Variants in ZNF486 observed in about 807,000 individuals in gnomAD.
The protein encoded by ZNF486 is KRAB box only protein 2.
A neutral mutation model predicts 12.8 loss-of-function variants in ZNF486; 12 were observed. That is an observed-to-expected ratio of 0.94 (90% CI 0.60 to 1.52). ZNF486 has a LOEUF of 1.52. Among genes scored for constraint, ZNF486 ranks in the 40% most tolerant of loss-of-function variants. The pLI, the probability that ZNF486 is intolerant of heterozygous loss-of-function variation, is 0.00. For synonymous variants in ZNF486, 231 were observed against 184.9 expected, an observed-to-expected ratio of 1.25 and a Z score of -2.02; for missense variants, 738 against 545.0, an observed-to-expected ratio of 1.35 and a Z score of -3.53.
Position 20,185,404 on chromosome 19 carries a change from G to GTTTT in ZNF486, c.158-562_158-559dup, listed in dbSNP as rs782413355. On this transcript the variant is annotated intron_variant, in intron 2 of 3. Coordinates refer to ENST00000335117, the MANE Select transcript of ZNF486 (RefSeq NM_052852.4). ...AGAAAGGTTTTAAGGTATTGTTTAT[G>GTTTT]TTTTTTTTTTTTTTTTTTTTTTTTG... Among the ~76,000 whole-genome samples the GTTTT allele has an allele frequency of 1.1e-3, 76 of 69,602 alleles. 1 individual carries two copies. Among genetic ancestry groups the GTTTT allele is most frequent in the African/African-American group, 2.1e-3 (32 of 15,552 alleles). 45.7% of individuals were successfully genotyped at this position (69,602 alleles called of 152,430 possible).
intron 1 of ZNF486, among the ~76,000 whole-genome samples, chr19:20,182,133 GAA>G (rs1256076723): frequency 2.6e-5 from 4 of 152,192 alleles, no homozygotes; most frequent in African/African-American, 9.6e-5. Context: ...ATTTGGTTGT[GAA>G]AAGAGTGCTA....
chr19:20,170,286 T>C (rs1388458369), intron 1 of ZNF486, among the ~76,000 whole-genome samples: 4 of 151,832 alleles, frequency 2.6e-5, no homozygotes, highest in East Asian at 3.9e-4. Context: ...TTAAGAAATA[T>C]TTTATTTTAG....
rs1343700748 is a variant in ZNF486, at chr19:20,184,400, G to C, written c.75G>C (p.Glu25Asp). The change falls in exon 2 of 4, where the codon GAG becomes GAC. Residue 25 changes from glutamate to aspartate, a missense_variant. By Grantham distance (45) the Glu-to-Asp change is conservative (BLOSUM62 2). Transcript: ENST00000335117. ...ATGTGGCTGTAGAATTCTCTCTGGA[G>C]GAGTGGCATTGCCTGGACACTGCAC... ...FRDVAVEFSL[E>D]EWHCLDTAQQ... 2 of 1,613,564 alleles carry C rather than the reference G, an allele frequency of 1.2e-6. No homozygotes were observed. The highest frequency in any genetic ancestry group is 1.7e-6 in the Non-Finnish European group (2 of 1,179,720).
intron 1 of ZNF486, chr19:20,176,698 A>G (rs1041786578): frequency 1.0e-3 from 162 of 155,342 alleles, no homozygotes; most frequent in African/African-American, 3.6e-3. Context: ...GGCGGCGCGC[A>G]CCTGCAATCG....
Position 20,191,462 on chromosome 19 carries a change from C to CAA in ZNF486, c.253+5394_253+5395dup, listed in dbSNP as rs35968267. 7.9e-3 allele frequency among the ~76,000 whole-genome samples: 770 copies of CAA among 97,400 alleles called. 9 individuals carry two copies. Among genetic ancestry groups the CAA allele is most frequent in the African/African-American group, 0.025 (734 of 28,912 alleles). 63.9% of individuals were successfully genotyped at this position (97,400 alleles called of 152,430 possible). On this transcript the variant is annotated intron_variant, in intron 3 of 3. Transcript: ENST00000335117. ...AGCCTGGGCGACAGCGAGATTCCTT[C>CAA]AAAAAAAAAAAAAAATTATGCACTC...
rs566146717 is a variant in ZNF486, at chr19:20,197,205, A to G, written c.495A>G (p.Gln165=). Residue 165 remains glutamine, a synonymous_variant, in exon 4 of 4, where the codon CAA becomes CAG. Coordinates refer to ENST00000335117, the MANE Select transcript of ZNF486 (RefSeq NM_052852.4). ...QCGKYVKVFH[Q]FSNSKRHKRR... ...GTAAATATGTGAAAGTCTTTCATCA[A>G]TTTTCAAATTCAAAGAGACATAAAA... The G allele has an allele frequency of 5.6e-6, 9 of 1,613,066 alleles. No homozygotes were observed. Among genetic ancestry groups the G allele is most frequent in the East Asian group, 4.5e-5 (2 of 44,868 alleles).
intron 3 of ZNF486, among the ~76,000 whole-genome samples, chr19:20,195,242 C>T (rs879979904): frequency 6.6e-6 from 1 of 152,210 alleles, no homozygotes; most frequent in Admixed American, 6.5e-5. Context: ...AATCTCCACT[C>T]ACTGCAACGT....
rs1323764857 is a variant in ZNF486, at chr19:20,195,412, CCCACCTTGATCTT to C, written c.254-1548_254-1536del. On this transcript the variant is annotated intron_variant, in intron 3 of 3. Coordinates refer to ENST00000335117, the MANE Select transcript of ZNF486 (RefSeq NM_052852.4). ...TCAAACTTCTGACCTCATGTATTTTCCCACCTTGATCTTCCAGTGTGTTGGGATTACAGGAATG... is the reference window on the plus strand; with the variant it reads ...TCAAACTTCTGACCTCATGTATTTTCCCAGTGTGTTGGGATTACAGGAATG... Among the ~76,000 whole-genome samples, 6 of 152,110 alleles carry C rather than the reference CCCACCTTGATCTT, an allele frequency of 3.9e-5. No individual in the cohort carries two copies. The East Asian group carries it at 1.2e-3, about 29-fold the overall frequency.
chr19:20,168,547 G>C (rs1244470710), intron 1 of ZNF486, among the ~76,000 whole-genome samples: 2 of 151,896 alleles, frequency 1.3e-5, no homozygotes, highest in African/African-American at 2.4e-5. Flanking sequence ...CCAGCTACTC[G>C]GGAGGCTGAG....
At chr19:20,183,732 C>T (rs780088467) in intron 1 of ZNF486, among the ~76,000 whole-genome samples, 1 of 151,876 alleles carries the variant, frequency 6.6e-6, no homozygotes, top group Non-Finnish European at 1.5e-5. Flanking sequence ...GCATAAACCT[C>T]ACATTAAATC....
At chr19:20,187,081 C>G (rs1339974081) in intron 3 of ZNF486, among the ~76,000 whole-genome samples, 1 of 151,966 alleles carries the variant, frequency 6.6e-6, no homozygotes, top group Non-Finnish European at 1.5e-5. Context: ...CCCCGCCCGG[C>G]CCATAGTTTT....
chr19:20,170,573 C>G (rs1472151927), intron 1 of ZNF486, among the ~76,000 whole-genome samples: 1 of 148,636 alleles, frequency 6.7e-6, no homozygotes, highest in South Asian at 2.1e-4. Context: ...GACTTCATCA[C>G]AAGAAAAAAA....
chr19:20,184,510 TA>T, intron 2 of ZNF486, 28 bp downstream of exon 2: 5 of 1,550,670 alleles, frequency 3.2e-6, no homozygotes, highest in Admixed American at 2.1e-5. Flanking sequence ...ACATAATTCA[TA>T]AAAAACCCCA....
At position 20,167,263 on chromosome 19, in the gene ZNF486, C is replaced by A; in HGVS notation, c.-68C>A. ...AGGTCGCCTCTTCGCTACTCTGTGT[C>A]CTCTGCTCCTAGAGGCCCACCCTCT... is the stretch of plus-strand genomic sequence containing the variant. On this transcript the variant is annotated 5_prime_UTR_variant, in exon 1 of 4. Transcript: ENST00000335117. The A allele has an allele frequency of 6.3e-7, 1 of 1,599,232 alleles. No homozygotes were observed. Among genetic ancestry groups the A allele is most frequent in the South Asian group, 1.1e-5 (1 of 90,726 alleles).
At chr19:20,171,801 G>A (rs1009360542) in intron 1 of ZNF486, among the ~76,000 whole-genome samples, 1 of 152,128 alleles carries the variant, frequency 6.6e-6, no homozygotes, top group Non-Finnish European at 1.5e-5. Context: ...TTGTTGTGCA[G>A]ATTATTTTGT....
At chr19:20,195,328 C>G (rs1452496578) in intron 3 of ZNF486, among the ~76,000 whole-genome samples, 1 of 152,102 alleles carries the variant, frequency 6.6e-6, no homozygotes, top group Non-Finnish European at 1.5e-5. Flanking sequence ...GTCACCATGC[C>G]CAGCTAATTT....
At chr19:20,169,898 T>A in intron 1 of ZNF486, among the ~76,000 whole-genome samples, 1 of 146,540 alleles carries the variant, frequency 6.8e-6, no homozygotes, top group Admixed American at 6.8e-5. Context: ...GTTTTTTTTT[T>A]TTTTTTTTTT....
In ZNF486 at chr19:20,180,446, T is replaced by C. The variant is rs144535315; in HGVS notation, c.31-3910T>C. Among the ~76,000 whole-genome samples the C allele has an allele frequency of 1.1e-4, 16 of 152,314 alleles. No homozygotes were observed. The East Asian group carries it at 2.9e-3, about 27-fold the overall frequency. ...ACCAGCAACTGGATAAATAATTGAATTGTGCATTGTATGGTTGGCACAATA... is the reference window on the plus strand; with the variant it reads ...ACCAGCAACTGGATAAATAATTGAACTGTGCATTGTATGGTTGGCACAATA... On this transcript the variant is annotated intron_variant, in intron 1 of 3. Coordinates refer to ENST00000335117, the MANE Select transcript of ZNF486 (RefSeq NM_052852.4).
intron 1 of ZNF486, 102 bp from the exon 2 acceptor site, chr19:20,184,254 C>T (rs1357509264): frequency 2.6e-6 from 4 of 1,534,834 alleles, no homozygotes; most frequent in African/African-American, 1.4e-5. Flanking sequence ...TTAGTCAATC[C>T]TATAAGTAAG....
Sources: allele counts gnomAD v4.1 joint callset (sites outside exome capture counted in the v4.1 genomes callset), GRCh38; gene constraint gnomAD v4.1.1; transcripts MANE v1.5; gene names NCBI Gene and HGNC (gene_info 2026-07-23, HGNC 2026-07-21).